USP53: variants seen among roughly 807,000 people sequenced by gnomAD.
USP53 encodes the protein ubiquitin carboxyl-terminal hydrolase 53.
In USP53, 71 loss-of-function variants were observed where a neutral mutation model predicts 94.9. That is an observed-to-expected ratio of 0.75 (90% CI 0.62 to 0.91). USP53 has a LOEUF of 0.91. Among genes scored for constraint, USP53 ranks in the 40% least tolerant of loss-of-function variants. The probability of loss-of-function intolerance (pLI) is 0.00; values close to 1 mark genes in which losing one functional copy is unlikely to be tolerated. For synonymous variants in USP53, 375 were observed against 422.7 expected (o/e 0.89, Z 1.39); for missense variants, 1,173 against 1,281.0 (o/e 0.92, Z 1.29).
chr4:119,246,913 A>G (rs530498194), intron 6 of USP53, among the ~76,000 whole-genome samples: 1 of 152,288 alleles, frequency 6.6e-6, no homozygotes, highest in East Asian at 1.9e-4. Context: ...ATTCTTGAAT[A>G]TTCATAATGA....
At chr4:119,219,633 G>A (rs984197552) in intron 3 of USP53, 2 of 152,210 alleles carry the variant, frequency 1.3e-5, no homozygotes, top group Non-Finnish European at 2.9e-5. Context: ...CATTCTAGTA[G>A]CCTGATAAAG....
At chr4:119,237,622 C>T (rs1473697815) in intron 4 of USP53, among the ~76,000 whole-genome samples, 1 of 152,168 alleles carries the variant, frequency 6.6e-6, no homozygotes, top group Non-Finnish European at 1.5e-5. Flanking sequence ...TTCTTTCTGA[C>T]TGTGAATGTC....
intron 15 of USP53, among the ~76,000 whole-genome samples, chr4:119,270,290 G>A (rs897921926): frequency 6.6e-6 from 1 of 151,726 alleles, no homozygotes; most frequent in Non-Finnish European, 1.5e-5. Context: ...TAGAGATAGG[G>A]TCTTGCCATG....
Position 119,255,650 on chromosome 4 carries a change from C to G in USP53, c.373-596C>G, listed in dbSNP as rs896734870. ...AGTGTATGGCTCCTCCAGGTACATT[C>G]ACTCACAGCTTCCCTTGGCTAGGAA... On this transcript the variant is annotated intron_variant, in intron 7 of 18. Coordinates refer to ENST00000692078, the MANE Select transcript of USP53 (RefSeq NM_001371395.1). 6.6e-5 allele frequency among the ~76,000 whole-genome samples: 10 copies of G among 152,306 alleles called. No homozygotes were observed. In the South Asian group the frequency reaches 1.9e-3, roughly 28 times the overall value.
At position 119,272,047 on chromosome 4, in the gene USP53, T is replaced by G; in HGVS notation, c.2174+13T>G. ...CAGTATGCTTCAGGTAATGTAAAAG[T>G]TGAGTGAATCATTTTTCCATCACTC... On this transcript the variant is annotated intron_variant, in intron 16 of 18. Coordinates refer to ENST00000692078, the MANE Select transcript of USP53 (RefSeq NM_001371395.1). 1 of 1,536,132 alleles carries G rather than the reference T, an allele frequency of 6.5e-7. No individual in the cohort carries two copies. Among genetic ancestry groups the G allele is most frequent in the Non-Finnish European group, 8.7e-7 (1 of 1,146,788 alleles).
intron 3 of USP53, chr4:119,218,418 T>C (rs183303742): frequency 6.6e-6 from 1 of 152,320 alleles, no homozygotes; most frequent in African/African-American, 2.4e-5. Flanking sequence ...AGTTAGTTAC[T>C]AGTGGAAACT....
At chr4:119,224,040 C>T (rs1744906129) in intron 3 of USP53, among the ~76,000 whole-genome samples, 1 of 152,104 alleles carries the variant, frequency 6.6e-6, no homozygotes, top group Admixed American at 6.6e-5. Context: ...TGCTGTGTTG[C>T]ACAGGCTGGA....
At chr4:119,273,572 T>TC in intron 16 of USP53, 60 bp from the exon 17 acceptor site, 2 of 1,328,190 alleles carry the variant, frequency 1.5e-6, no homozygotes, top group Non-Finnish European at 2.1e-6. Flanking sequence ...TGTTTTTTTT[T>TC]AGACTAAACA....
intron 3 of USP53, among the ~76,000 whole-genome samples, chr4:119,229,392 C>T (rs1479386014): frequency 6.6e-6 from 1 of 152,126 alleles, no homozygotes; most frequent in Admixed American, 6.5e-5. Flanking sequence ...ATGTCCAACC[C>T]TAAACTCTTC....
At position 119,292,655 on chromosome 4, in the gene USP53, G is replaced by A. The variant is rs758587181; in HGVS notation, c.2666G>A (p.Cys889Tyr). Residue 889 changes from cysteine to tyrosine, a missense_variant, in exon 19 of 19, where the codon TGT (cysteine) becomes TAT (tyrosine). Transcript: ENST00000692078. ...CAGCAACAAAATATCATGGATCAAT[G>A]TTACTTTGAGAACTCTCTATCCACA... is the stretch of plus-strand genomic sequence containing the variant. ...LIQQQNIMDQ[C>Y]YFENSLSTEC... The A allele has an allele frequency of 5.6e-6, 9 of 1,613,950 alleles. No individual in the cohort carries two copies. The highest frequency in any genetic ancestry group is 7.6e-6 in the Non-Finnish European group (9 of 1,179,976).
At chr4:119,224,732 A>G (rs1745016715) in intron 3 of USP53, among the ~76,000 whole-genome samples, 1 of 152,246 alleles carries the variant, frequency 6.6e-6, no homozygotes, top group Admixed American at 6.5e-5. Context: ...GGAAAGGAGT[A>G]CTTGAAAGTT....
rs865797318 is a variant in USP53 at position 119,239,576 on chromosome 4, A to G, written c.-184A>G. On this transcript the variant is annotated 5_prime_UTR_variant, in exon 5 of 19. Coordinates refer to ENST00000692078, the MANE Select transcript of USP53 (RefSeq NM_001371395.1). Reference sequence around the variant, plus strand: ...TAGAACTTCAATGTTTATGCACCCTATTGTTACTTGTCAGAGTCTTTAAGA... The same window carrying G: ...TAGAACTTCAATGTTTATGCACCCTGTTGTTACTTGTCAGAGTCTTTAAGA... The G allele has an allele frequency of 6.4e-6, 4 of 623,986 alleles. No individual in the cohort carries two copies. The highest frequency in any genetic ancestry group is 3.7e-5 in the African/African-American group (2 of 54,200). 38.7% of individuals were successfully genotyped at this position (623,986 alleles called of 1,614,324 possible). A position where few individuals can be genotyped will look rare whatever the true frequency, so the allele number is the denominator to read the frequency against.
At chr4:119,248,256 G>A (rs969039936) in intron 6 of USP53, among the ~76,000 whole-genome samples, 1 of 152,056 alleles carries the variant, frequency 6.6e-6, no homozygotes, top group Non-Finnish European at 1.5e-5. Context: ...AATACAGGTT[G>A]GGTATCTCTT....
In USP53 at chr4:119,261,819, C is replaced by T; in HGVS notation, c.927C>T (p.Thr309=). ...ATTATTGTGCCTTTGCATTTCACAC[C>T]AAAAGTTCCAAATGGGTATTTTTTG... ...SQHYCAFAFH[T]KSSKWVFFDD... is the part of the protein sequence containing the mutation. Residue 309 remains threonine (T), a synonymous_variant, in exon 12 of 19, where the codon ACC becomes ACT. Transcript: ENST00000692078. The T allele has an allele frequency of 6.6e-7, 1 of 1,509,100 alleles. No individual in the cohort carries two copies. Among genetic ancestry groups the T allele is most frequent in the Non-Finnish European group, 9.0e-7 (1 of 1,110,430 alleles). The allele number at this position is 1,509,100 out of a possible 1,614,324, so 93.5% of individuals were successfully genotyped here. A position where few individuals can be genotyped will look rare whatever the true frequency, so the allele number is the denominator to read the frequency against.
intron 10 of USP53, 52 bp from the exon 11 acceptor site, chr4:119,260,455 C>G: frequency 6.5e-7 from 1 of 1,536,480 alleles, no homozygotes; most frequent in East Asian, 2.3e-5. Context: ...CTGTGTAAGG[C>G]TGCCTGGTTT....
In USP53 at chr4:119,292,984, C is replaced by T. The variant is rs373572458; in HGVS notation, c.2995C>T (p.Pro999Ser). Residue 999 changes from proline to serine, a missense_variant, in exon 19 of 19, where the codon CCA becomes TCA. Pro to Ser is a moderately conservative substitution (Grantham distance 74). Coordinates refer to ENST00000692078, the MANE Select transcript of USP53 (RefSeq NM_001371395.1). The part of the protein sequence containing the change: ...RECFGNTPNC[P>S]SSSSTNDFQA... ...ATGTTTTGGCAACACACCAAACTGTCCATCCAGCTCCTCAACTAACGATTT... is the reference window on the plus strand; with the variant it reads ...ATGTTTTGGCAACACACCAAACTGTTCATCCAGCTCCTCAACTAACGATTT... 5.0e-6 allele frequency: 8 copies of T among 1,614,020 alleles called. No homozygotes were observed. Among genetic ancestry groups the T allele is most frequent in the Admixed American group, 1.7e-5 (1 of 59,996 alleles).
Position 119,239,553 on chromosome 4 carries a change from G to C in USP53, c.-207G>C, listed in dbSNP as rs1747242898. ...AAATAGCTTTCTTTTTTAGTGCTTA[G>C]AACTTCAATGTTTATGCACCCTATT... is the stretch of plus-strand genomic sequence containing the variant. On this transcript the variant is annotated 5_prime_UTR_variant, in exon 5 of 19. Coordinates refer to ENST00000692078, the MANE Select transcript of USP53 (RefSeq NM_001371395.1). 2.0e-6 allele frequency: 1 copy of C among 509,500 alleles called. No homozygotes were observed. The highest frequency in any genetic ancestry group is 3.3e-6 in the Non-Finnish European group (1 of 306,728). 31.6% of individuals were successfully genotyped at this position (509,500 alleles called of 1,614,324 possible).
intron 3 of USP53, among the ~76,000 whole-genome samples, chr4:119,224,845 C>A (rs1167593792): frequency 6.6e-6 from 1 of 152,010 alleles, no homozygotes; most frequent in Non-Finnish European, 1.5e-5. Context: ...AAATTTATAA[C>A]AAAATGCTTA....
intron 3 of USP53, among the ~76,000 whole-genome samples, chr4:119,224,956 G>A (rs1438659105): frequency 1.3e-5 from 2 of 151,962 alleles, no homozygotes; most frequent in African/African-American, 4.8e-5. Flanking sequence ...TAGAGTTCTG[G>A]AAACCAATGA....
Sources: allele counts gnomAD v4.1 joint callset (sites outside exome capture counted in the v4.1 genomes callset), GRCh38; gene constraint gnomAD v4.1.1; transcripts MANE v1.5; gene names NCBI Gene and HGNC (gene_info 2026-07-23, HGNC 2026-07-21).